BPIFA2: variants seen among roughly 807,000 people sequenced by gnomAD.
BPIFA2 encodes the protein BPI fold-containing family A member 2.
In BPIFA2, 20 loss-of-function variants were observed where a neutral mutation model predicts 25.7. The observed-to-expected ratio is 0.78, with a 90% CI of 0.55 to 1.13. The LOEUF (loss-of-function observed/expected upper bound fraction) is 1.13. Ranked by LOEUF, BPIFA2 falls within the 50% of genes most tolerant of loss-of-function variation. The pLI, the probability that BPIFA2 is intolerant of heterozygous loss-of-function variation, is 0.00. For missense variants in BPIFA2, 300 were observed against 298.1 expected (o/e 1.01, Z -0.05); for synonymous variants, 126 against 124.3 (o/e 1.01, Z -0.09).
upstream of BPIFA2, among the ~76,000 whole-genome samples, chr20:33,165,802 A>G (rs1600594694): frequency 6.6e-6 from 1 of 152,234 alleles, no homozygotes; most frequent in East Asian, 1.9e-4. Context: ...AACATCTTCT[A>G]TGTGAGAAGA....
In BPIFA2 at chr20:33,169,111, T is replaced by C. The variant is rs777187949; in HGVS notation, c.-15-20T>C. The C allele has an allele frequency of 4.4e-6, 7 of 1,602,712 alleles. No homozygotes were observed. The highest frequency in any genetic ancestry group is 3.3e-5 in the Admixed American group (2 of 59,924). On this transcript the variant is annotated intron_variant, in intron 1 of 8. Transcript: ENST00000354932. ...TCCCTCTGGGCAATTCTCACTCCTG[T>C]TCTTCCCATGACTGTCCAGGTGTCA...
chr20:33,172,401 T>TA (rs943513585), intron 2 of BPIFA2, among the ~76,000 whole-genome samples: 43 of 137,340 alleles, frequency 3.1e-4, no homozygotes, highest in South Asian at 6.5e-4. Flanking sequence ...AACTTAAAGT[T>TA]AAAAAAAAAA....
At chr20:33,174,954 A>G (rs1038875759) in intron 4 of BPIFA2, among the ~76,000 whole-genome samples, 3 of 152,278 alleles carry the variant, frequency 2.0e-5, no homozygotes, top group Middle Eastern at 3.4e-3. Flanking sequence ...TAGACAAGAA[A>G]TGAGCATGTG....
intron 5 of BPIFA2, among the ~76,000 whole-genome samples, chr20:33,175,791 A>G (rs1454106760): frequency 6.6e-6 from 1 of 152,168 alleles, no homozygotes; most frequent in Non-Finnish European, 1.5e-5. Context: ...ATAACTACTC[A>G]TAGGCTTCTG....
At chr20:33,180,729 C>A in intron 8 of BPIFA2, 132 bp downstream of exon 8, 1 of 686,586 alleles carries the variant, frequency 1.5e-6, no homozygotes, top group Non-Finnish European at 2.5e-6. Flanking sequence ...TGGCCCCCAT[C>A]CCAGGCTAGG....
chr20:33,176,460 C>T (rs1409473145), intron 5 of BPIFA2, among the ~76,000 whole-genome samples: 1 of 152,222 alleles, frequency 6.6e-6, no homozygotes, highest in Non-Finnish European at 1.5e-5. Flanking sequence ...ACACTCCACT[C>T]GCCCTGCACT....
At position 33,173,127 on chromosome 20, in the gene BPIFA2, A is replaced by T. The variant is rs772551622; in HGVS notation, c.302+51A>T. 3.2e-6 allele frequency: 5 copies of T among 1,582,830 alleles called. No homozygotes were observed. In the African/African-American group the frequency reaches 6.8e-5, roughly 21 times the overall value. On this transcript the variant is annotated intron_variant, in intron 3 of 8. Coordinates refer to ENST00000354932, the MANE Select transcript of BPIFA2 (RefSeq NM_080574.4). The stretch of plus-strand genomic sequence containing the variant: ...TCTTTGCTCTAAGGAAAGGGAAAAC[A>T]TATCTTTGAGGAGGTAAGTTTAAGA...
chr20:33,167,485 A>G (rs1983759242), upstream of BPIFA2, among the ~76,000 whole-genome samples: 1 of 152,138 alleles, frequency 6.6e-6, no homozygotes, highest in East Asian at 1.9e-4. Context: ...GCAAGTATGG[A>G]CAAGCCACCT....
chr20:33,175,296 T>C (rs1233777998), intron 4 of BPIFA2, 111 bp from the exon 5 acceptor site: 4 of 1,091,214 alleles, frequency 3.7e-6, no homozygotes, highest in South Asian at 1.6e-5. Context: ...CTGGGCCATG[T>C]TGACATTACA....
chr20:33,168,301 A>C (rs1983786406), intron 1 of BPIFA2, 92 bp downstream of exon 1: 1 of 152,400 alleles, frequency 6.6e-6, no homozygotes, highest in Non-Finnish European at 1.5e-5. Flanking sequence ...TGCTTGGGTT[A>C]GCTAATATTT....
At chr20:33,173,118 A>T in intron 3 of BPIFA2, 42 bp downstream of exon 3, 2 of 1,594,954 alleles carry the variant, frequency 1.3e-6, no homozygotes, top group Non-Finnish European at 8.6e-7. Context: ...CTCTAAGGAA[A>T]GGGAAAACAT....
rs770518506 is a variant in BPIFA2, at chr20:33,179,591, T to A, written c.646-13T>A. The A allele has an allele frequency of 9.4e-6, 15 of 1,602,330 alleles. No homozygotes were observed. The East Asian group carries it at 3.1e-4, about 33-fold the overall frequency. On this transcript the variant is annotated splice_polypyrimidine_tract_variant and intron_variant, in intron 6 of 8. Coordinates refer to ENST00000354932, the MANE Select transcript of BPIFA2 (RefSeq NM_080574.4). ...ACTCCTGACCCTCCTCTTCCTCCTT[T>A]CTCCGCTGTCAGATATGTCCACTGA...
chr20:33,170,474 G>T (rs1983862608), intron 2 of BPIFA2, among the ~76,000 whole-genome samples: 1 of 152,148 alleles, frequency 6.6e-6, no homozygotes, highest in South Asian at 2.1e-4. Flanking sequence ...TACACTGCCA[G>T]CCTCAACCTC....
chr20:33,179,723 C>A, intron 7 of BPIFA2, 56 bp downstream of exon 7: 1 of 1,498,276 alleles, frequency 6.7e-7, no homozygotes. Flanking sequence ...TCTGTGCCCA[C>A]CCCATAAGCA....
At chr20:33,178,532 C>T (rs1238324983) in intron 6 of BPIFA2, among the ~76,000 whole-genome samples, 4 of 152,158 alleles carry the variant, frequency 2.6e-5, no homozygotes. Flanking sequence ...TCTTTAGAAG[C>T]ATTTATTTTT....
chr20:33,178,378 C>CT, intron 6 of BPIFA2, 150 bp downstream of exon 6: 1 of 595,976 alleles, frequency 1.7e-6, no homozygotes, highest in Admixed American at 3.4e-5. Context: ...CTCTACTAAT[C>CT]AGCCTGGTGG....
chr20:33,171,209 A>G (rs139076094), intron 2 of BPIFA2, among the ~76,000 whole-genome samples: 11 of 152,200 alleles, frequency 7.2e-5, no homozygotes, highest in African/African-American at 1.9e-4. Flanking sequence ...TTGTCTTGCT[A>G]TATGTGCTCT....
chr20:33,171,350 G>T (rs920961054), intron 2 of BPIFA2, among the ~76,000 whole-genome samples: 2 of 151,600 alleles, frequency 1.3e-5, no homozygotes, highest in South Asian at 4.2e-4. Flanking sequence ...TCATGATATT[G>T]TTTCTTCCTA....
At chr20:33,169,007 G>T (rs964538922) in intron 1 of BPIFA2, 124 bp from the exon 2 acceptor site, 46 of 934,988 alleles carry the variant, frequency 4.9e-5, no homozygotes, top group Non-Finnish European at 7.2e-5. Context: ...CTGCCCATTT[G>T]TAAAATAGGA....
Sources: gnomAD v4.1 joint callset for allele counts (sites outside exome capture counted in the v4.1 genomes callset) on GRCh38, gnomAD v4.1.1 for gene constraint, MANE v1.5 for transcripts, NCBI Gene and HGNC (gene_info 2026-07-23, HGNC 2026-07-21) for gene names.